Variants in SNTB1 observed in about 807,000 individuals in gnomAD.
SNTB1 encodes syntrophin beta 1, also known as beta-1-syntrophin.
Under a neutral mutation model 48.9 loss-of-function variants are expected in SNTB1, and 36 were observed. That is an observed-to-expected ratio of 0.74 (90% CI 0.56 to 0.97). The LOEUF (loss-of-function observed/expected upper bound fraction) is 0.97, where lower values mean the gene tolerates loss of function less well. Ranked by LOEUF, SNTB1 falls within the 50% of genes least tolerant of loss-of-function variation. The probability of loss-of-function intolerance (pLI) is 0.00; values close to 1 mark genes in which losing one functional copy is unlikely to be tolerated. For synonymous variants in SNTB1, 299 were observed against 294.6 expected (o/e 1.01, Z -0.15); for missense variants, 786 against 703.4 (o/e 1.12, Z -1.33).
At chr8:120,740,959 G>A (rs937997230) in intron 1 of SNTB1, among the ~76,000 whole-genome samples, 1 of 152,218 alleles carries the variant, frequency 6.6e-6, no homozygotes, top group Admixed American at 6.5e-5. Context: ...GAGAGCTTAA[G>A]ACTGGTTACC....
chr8:120,693,774 A>G lies in SNTB1; in HGVS notation c.706T>C (p.Ser236Pro), dbSNP rs752714719. The G allele has an allele frequency of 1.5e-5, 24 of 1,613,902 alleles. No individual in the cohort carries two copies. Among genetic ancestry groups the G allele is most frequent in the Non-Finnish European group, 2.0e-5 (24 of 1,179,984 alleles). ...ATGCTTTTCCGGTCTCTGTGGAAGG[A>G]GAAGGACTGCGATGACGGGGGGTCT... ...TSDPPSSQSF[S>P]FHRDRKSIPL... Residue 236 changes from serine (S) to proline (P), a missense_variant, in exon 2 of 7, where the codon TCC becomes CCC. Coordinates refer to ENST00000517992, the MANE Select transcript of SNTB1 (RefSeq NM_021021.4).
chr8:120,609,170 A>G (rs367714375), intron 3 of SNTB1, among the ~76,000 whole-genome samples: 45 of 152,366 alleles, frequency 3.0e-4, no homozygotes, highest in African/African-American at 1.0e-3. Context: ...AAAGGAAAAT[A>G]AAACAAAGGA....
At position 120,541,973 on chromosome 8, in the gene SNTB1, C is replaced by A; in HGVS notation, c.1361G>T (p.Arg454Leu). ...TACTYKNQECRLTIHYENGFS... is the reference protein window; with the variant it reads ...TACTYKNQECLLTIHYENGFS... ...TCCATTCTCATAATGTATGGTCAAACGGCACTCCTGGTTTTTGTAGGTGCA... is the reference window on the plus strand; with the variant it reads ...TCCATTCTCATAATGTATGGTCAAAAGGCACTCCTGGTTTTTGTAGGTGCA... The change falls in exon 6 of 7, where the codon CGT (arginine) becomes CTT (leucine). Residue 454 changes from arginine (R) to leucine (L), a missense_variant. By Grantham distance (102) the Arg-to-Leu change is moderately radical. Coordinates refer to ENST00000517992, the MANE Select transcript of SNTB1 (RefSeq NM_021021.4). 1 of 1,613,638 alleles carries A rather than the reference C, an allele frequency of 6.2e-7. No individual in the cohort carries two copies. The highest frequency in any genetic ancestry group is 8.5e-7 in the Non-Finnish European group (1 of 1,179,820).
intron 1 of SNTB1, among the ~76,000 whole-genome samples, chr8:120,759,613 A>T (rs1282242373): frequency 6.6e-6 from 1 of 152,182 alleles, no homozygotes; most frequent in African/African-American, 2.4e-5. Flanking sequence ...CAATACATCA[A>T]TGTCCACCTG....
chr8:120,796,797 T>C (rs1384603320), intron 1 of SNTB1, among the ~76,000 whole-genome samples: 1 of 152,060 alleles, frequency 6.6e-6, no homozygotes, highest in Middle Eastern at 3.2e-3. Context: ...GGTCTATGTG[T>C]ATAGCATTTC....
chr8:120,803,144 C>A (rs1347532228), intron 1 of SNTB1, among the ~76,000 whole-genome samples: 1 of 152,078 alleles, frequency 6.6e-6, no homozygotes, highest in Non-Finnish European at 1.5e-5. Context: ...CCACACTCAC[C>A]AACATGCAAA....
intron 2 of SNTB1, among the ~76,000 whole-genome samples, chr8:120,635,168 G>A (rs111463292): frequency 8.5e-5 from 13 of 152,140 alleles, no homozygotes; most frequent in Middle Eastern, 3.4e-3. Flanking sequence ...CTGTCCTCGC[G>A]CAGAAGAAAA....
intron 2 of SNTB1, among the ~76,000 whole-genome samples, chr8:120,645,313 T>A (rs1817272558): frequency 6.6e-6 from 1 of 150,700 alleles, no homozygotes; most frequent in Non-Finnish European, 1.5e-5. Context: ...CGTTTAAGTC[T>A]TTAATCCATA....
intron 3 of SNTB1, among the ~76,000 whole-genome samples, chr8:120,589,620 G>T (rs1226001015): frequency 2.0e-5 from 3 of 152,270 alleles, no homozygotes; most frequent in African/African-American, 7.2e-5. Context: ...TCTGGTGAGG[G>T]CCCCCTTCCT....
At chr8:120,656,165 T>C (rs924382200) in intron 2 of SNTB1, among the ~76,000 whole-genome samples, 4 of 152,166 alleles carry the variant, frequency 2.6e-5, no homozygotes, top group Non-Finnish European at 4.4e-5. Flanking sequence ...AGGAAGCAGG[T>C]TGCCATGATG....
chr8:120,555,107 T>A (rs942708635), intron 4 of SNTB1, among the ~76,000 whole-genome samples: 3 of 152,208 alleles, frequency 2.0e-5, no homozygotes, highest in Non-Finnish European at 2.9e-5. Flanking sequence ...AATATGACAG[T>A]ATTTGGAAAT....
chr8:120,576,068 T>G (rs1350482191), intron 3 of SNTB1, among the ~76,000 whole-genome samples: 1 of 152,210 alleles, frequency 6.6e-6, no homozygotes. Flanking sequence ...AATGCTCAAT[T>G]CTTGCTACTC....
intron 1 of SNTB1, among the ~76,000 whole-genome samples, chr8:120,785,583 C>A (rs774940335): frequency 6.6e-6 from 1 of 152,230 alleles, no homozygotes; most frequent in Non-Finnish European, 1.5e-5. Flanking sequence ...TGCTTGAGCC[C>A]GCACATGAGA....
At chr8:120,552,268 G>A (rs1423838561) in intron 4 of SNTB1, among the ~76,000 whole-genome samples, 2 of 152,196 alleles carry the variant, frequency 1.3e-5, no homozygotes, top group Non-Finnish European at 2.9e-5. Context: ...CTAAGAGAAA[G>A]GAATGAGGTC....
chr8:120,693,191 T>G lies in SNTB1; in HGVS notation c.788+501A>C, dbSNP rs369002187. ...CTCGGGGCGGGCACCAAGCCATTCATGAGGGTTCTGCCCCCATGACCCAAA... is the reference window on the plus strand; with the variant it reads ...CTCGGGGCGGGCACCAAGCCATTCAGGAGGGTTCTGCCCCCATGACCCAAA... On this transcript the variant is annotated intron_variant, in intron 2 of 6. Coordinates refer to ENST00000517992, the MANE Select transcript of SNTB1 (RefSeq NM_021021.4). Among the ~76,000 whole-genome samples, 21 of 152,306 alleles carry G rather than the reference T, an allele frequency of 1.4e-4. No homozygotes were observed. The East Asian group carries it at 1.5e-3, about 11-fold the overall frequency.
intron 1 of SNTB1, among the ~76,000 whole-genome samples, chr8:120,799,606 G>C (rs1440033057): frequency 6.6e-6 from 1 of 151,874 alleles, no homozygotes; most frequent in Non-Finnish European, 1.5e-5. Context: ...AAAAATGAAG[G>C]AAAAGTGGAG....
chr8:120,771,006 A>G (rs1409034664), intron 1 of SNTB1, among the ~76,000 whole-genome samples: 4 of 152,194 alleles, frequency 2.6e-5, no homozygotes, highest in African/African-American at 7.2e-5. Flanking sequence ...TGGATCATCT[A>G]TTTCCTGGAT....
Position 120,653,469 on chromosome 8 carries a change from C to G in SNTB1, c.789-20818G>C, listed in dbSNP as rs374241714. 2.0e-5 allele frequency among the ~76,000 whole-genome samples: 3 copies of G among 152,220 alleles called. No individual in the cohort carries two copies. In the South Asian group the frequency reaches 6.2e-4, roughly 32 times the overall value. ...CCTGAAAACATCTGGAAGAAACCAA[C>G]CCTGCTGACATTTTGATTGCAGACT... is the stretch of plus-strand genomic sequence containing the variant. On this transcript the variant is annotated intron_variant, in intron 2 of 6. Coordinates refer to ENST00000517992, the MANE Select transcript of SNTB1 (RefSeq NM_021021.4).
chr8:120,783,251 TACTC>T (rs1333184481), intron 1 of SNTB1, among the ~76,000 whole-genome samples: 1 of 152,188 alleles, frequency 6.6e-6, no homozygotes, highest in African/African-American at 2.4e-5. Context: ...TCATTTCACC[TACTC>T]ACTCACTTTT....
Sources: allele counts gnomAD v4.1 joint callset (sites outside exome capture counted in the v4.1 genomes callset), GRCh38; gene constraint gnomAD v4.1.1; transcripts MANE v1.5; gene names NCBI Gene and HGNC (gene_info 2026-07-23, HGNC 2026-07-21).